The following MTSS1 variants were observed in gnomAD, a reference collection of about 807,000 sequenced individuals.
MTSS1 encodes the protein MTSS I-BAR domain containing 1, also known as protein MTSS 1.
Under a neutral mutation model 79.0 loss-of-function variants are expected in MTSS1, and 18 were observed. That is an observed-to-expected ratio of 0.23 (90% confidence interval 0.16 to 0.34). The LOEUF is 0.34. Among genes scored for constraint, MTSS1 ranks in the 10% least tolerant of loss-of-function variants. The pLI is 1.00. For synonymous variants in MTSS1, 341 were observed against 368.6 expected (o/e 0.93, Z 0.86); for missense variants, 815 against 986.2 (o/e 0.83, Z 2.33).
rs1822594753 is a variant in MTSS1 at position 124,551,990 on chromosome 8, C to T, written c.*1002G>A. On this transcript the variant is annotated 3_prime_UTR_variant, in exon 14 of 14. Transcript: ENST00000518547. ...TACTTGGGCTTTTTAACGCACCCAG[C>T]CTGCTGGGCACAGTTAAGTAAAAGG... 1 of 152,684 alleles carries T rather than the reference C, an allele frequency of 6.5e-6. No individual in the cohort carries two copies. Among genetic ancestry groups the T allele is most frequent in the Non-Finnish European group, 1.5e-5 (1 of 68,052 alleles). The allele number at this position is 152,684 out of a possible 1,614,324, so 9.5% of individuals were successfully genotyped here.
At chr8:124,591,912 C>G (rs1024534547) in intron 3 of MTSS1, among the ~76,000 whole-genome samples, 2 of 151,992 alleles carry the variant, frequency 1.3e-5, no homozygotes, top group African/African-American at 4.8e-5. Flanking sequence ...TCCTAAGTAG[C>G]TGGGATTACA....
At chr8:124,670,560 A>G (rs1335579620) in intron 3 of MTSS1, among the ~76,000 whole-genome samples, 2 of 152,348 alleles carry the variant, frequency 1.3e-5, no homozygotes, top group African/African-American at 2.4e-5. Context: ...CTCAGCAAAC[A>G]TGATACACTT....
intron 3 of MTSS1, among the ~76,000 whole-genome samples, chr8:124,691,749 C>T (rs1426796802): frequency 1.3e-5 from 2 of 152,174 alleles, no homozygotes; most frequent in African/African-American, 4.8e-5. Flanking sequence ...CTGCTGACCT[C>T]AAGTGATCCA....
In MTSS1 at chr8:124,650,155, C is replaced by T. The variant is rs974244357; in HGVS notation, c.208+49371G>A. Among the ~76,000 whole-genome samples, 7 of 151,934 alleles carry T rather than the reference C, an allele frequency of 4.6e-5. No homozygotes were observed. In the East Asian group the frequency reaches 9.7e-4, roughly 21 times the overall value. ...AAGCAATTCTCCTGCCTCAGCCTCC[C>T]GAGTACCTGGGATTACAGGTATGCA... On this transcript the variant is annotated intron_variant, in intron 3 of 13. Transcript: ENST00000518547.
chr8:124,630,902 G>A (rs1815797331), intron 3 of MTSS1, among the ~76,000 whole-genome samples: 1 of 152,148 alleles, frequency 6.6e-6, no homozygotes, highest in African/African-American at 2.4e-5. Context: ...GAGGCCTTTG[G>A]CCATGGCATT....
intron 1 of MTSS1, among the ~76,000 whole-genome samples, chr8:124,721,433 C>CA (rs1214339560): frequency 7.9e-6 from 1 of 125,948 alleles, no homozygotes; most frequent in African/African-American, 3.1e-5. Flanking sequence ...TTTTTTGAGA[C>CA]AGAGTCTCAT....
intron 1 of MTSS1, among the ~76,000 whole-genome samples, chr8:124,705,944 G>A (rs1282446941): frequency 6.6e-6 from 1 of 152,196 alleles, no homozygotes; most frequent in African/African-American, 2.4e-5. Flanking sequence ...TGGCCCCTAG[G>A]GGACAAAAAT....
chr8:124,650,624 C>T (rs1819787709), intron 3 of MTSS1, among the ~76,000 whole-genome samples: 1 of 152,158 alleles, frequency 6.6e-6, no homozygotes, highest in Admixed American at 6.5e-5. Flanking sequence ...TTCTGCCATG[C>T]ACGAACATCA....
chr8:124,693,888 G>A (rs1828362548), intron 3 of MTSS1, among the ~76,000 whole-genome samples: 1 of 152,088 alleles, frequency 6.6e-6, no homozygotes, highest in Non-Finnish European at 1.5e-5. Context: ...TTAAATCATA[G>A]AATATTAGAG....
rs556812050 is a variant in MTSS1 at position 124,588,141 on chromosome 8, T to C, written c.385+1479A>G. On this transcript the variant is annotated intron_variant, in intron 5 of 13. Coordinates refer to ENST00000518547, the MANE Select transcript of MTSS1 (RefSeq NM_014751.6). ...TAATTTGAATGAACCGGCAACTTTCTGGTGGCTACTGATAGTTGCTGGGGA... is the reference window on the plus strand; with the variant it reads ...TAATTTGAATGAACCGGCAACTTTCCGGTGGCTACTGATAGTTGCTGGGGA... Among the ~76,000 whole-genome samples the C allele has an allele frequency of 5.9e-5, 9 of 152,360 alleles. No individual in the cohort carries two copies. The South Asian group carries it at 1.9e-3, about 32-fold the overall frequency.
At chr8:124,572,728 T>A (rs1386989062) in intron 6 of MTSS1, among the ~76,000 whole-genome samples, 2 of 143,400 alleles carry the variant, frequency 1.4e-5, no homozygotes, top group African/African-American at 5.4e-5. Context: ...TGGGCTACTT[T>A]CTTTCTTTTC....
At chr8:124,691,575 G>A (rs1305331232) in intron 3 of MTSS1, among the ~76,000 whole-genome samples, 1 of 152,106 alleles carries the variant, frequency 6.6e-6, no homozygotes, top group East Asian at 1.9e-4. Flanking sequence ...GAGTACAATG[G>A]TACGATCTTG....
intron 6 of MTSS1, among the ~76,000 whole-genome samples, chr8:124,575,441 C>T (rs891535553): frequency 3.9e-5 from 6 of 152,162 alleles, no homozygotes; most frequent in Non-Finnish European, 8.8e-5. Context: ...ATGAAGCATT[C>T]AGAACAACGC....
chr8:124,666,012 T>G (rs531647753), intron 3 of MTSS1, among the ~76,000 whole-genome samples: 14 of 152,230 alleles, frequency 9.2e-5, no homozygotes, highest in Non-Finnish European at 1.9e-4. Flanking sequence ...TATTAGACCC[T>G]ATTTCACAAA....
intron 9 of MTSS1, among the ~76,000 whole-genome samples, chr8:124,564,526 A>C: frequency 6.6e-6 from 1 of 152,152 alleles, no homozygotes; most frequent in East Asian, 1.9e-4. Context: ...ACCGACAGTA[A>C]AGCTCACAGC....
intron 1 of MTSS1, among the ~76,000 whole-genome samples, chr8:124,712,863 A>G (rs1429203561): frequency 6.6e-6 from 1 of 152,104 alleles, no homozygotes; most frequent in African/African-American, 2.4e-5. Context: ...CTCCATTTGT[A>G]ACTATTAACA....
intron 3 of MTSS1, among the ~76,000 whole-genome samples, chr8:124,657,661 G>A (rs1436411099): frequency 1.3e-5 from 2 of 152,138 alleles, no homozygotes; most frequent in African/African-American, 4.8e-5. Context: ...ACAAGAGCAC[G>A]TTCACACGGT....
intron 13 of MTSS1, 99 bp downstream of exon 13, chr8:124,555,643 G>C: frequency 4.5e-6 from 6 of 1,333,000 alleles, no homozygotes; most frequent in Admixed American, 2.8e-5. Context: ...CTGTTAGTTA[G>C]CGAGTGGTGG....
intron 4 of MTSS1, 92 bp downstream of exon 4, chr8:124,591,059 G>T: frequency 9.6e-7 from 1 of 1,044,970 alleles, no homozygotes. Flanking sequence ...GACAGATTGT[G>T]GGGATTTAAA....
Sources: gnomAD v4.1 joint callset for allele counts (sites outside exome capture counted in the v4.1 genomes callset) on GRCh38, gnomAD v4.1.1 for gene constraint, MANE v1.5 for transcripts, NCBI Gene and HGNC (gene_info 2026-07-23, HGNC 2026-07-21) for gene names.